The following COL14A1 variants were observed in gnomAD, a reference collection of about 807,000 sequenced individuals.
COL14A1 encodes the protein collagen type XIV alpha 1 chain.
Under a neutral mutation model 230.3 loss-of-function variants are expected in COL14A1, and 136 were observed. The observed-to-expected ratio is 0.59, with a 90% CI of 0.51 to 0.68. The LOEUF (loss-of-function observed/expected upper bound fraction) is 0.68. Among genes scored for constraint, COL14A1 ranks in the 30% least tolerant of loss-of-function variants. The probability of loss-of-function intolerance (pLI) is 0.00; values close to 1 mark genes in which losing one functional copy is unlikely to be tolerated. For synonymous variants in COL14A1, 792 were observed against 784.1 expected, an observed-to-expected ratio of 1.01 and a Z score of -0.17; for missense variants, 1,976 against 2,215.8, an observed-to-expected ratio of 0.89 and a Z score of 2.17.
At chr8:120,279,256 G>A (rs1010914103) in intron 28 of COL14A1, among the ~76,000 whole-genome samples, 2 of 151,794 alleles carry the variant, frequency 1.3e-5, no homozygotes, top group East Asian at 1.9e-4. Flanking sequence ...CATGGCACAC[G>A]TATACCTATG....
At chr8:120,271,095 C>A (rs1037943906) in intron 26 of COL14A1, among the ~76,000 whole-genome samples, 28 of 151,632 alleles carry the variant, frequency 1.8e-4, no homozygotes, top group African/African-American at 6.3e-4. Flanking sequence ...AAGCTAGAGG[C>A]CATTATCCTA....
chr8:120,138,509 T>A (rs1328932810), intron 1 of COL14A1, among the ~76,000 whole-genome samples: 2 of 152,172 alleles, frequency 1.3e-5, no homozygotes, highest in African/African-American at 4.8e-5. Flanking sequence ...TTCCCCCTGA[T>A]TTCTGATCAC....
chr8:120,226,674 G>T lies in COL14A1; in HGVS notation c.1912G>T (p.Asp638Tyr). 1 of 1,613,932 alleles carries T rather than the reference G, an allele frequency of 6.2e-7. No homozygotes were observed. Among genetic ancestry groups the T allele is most frequent in the Non-Finnish European group, 8.5e-7 (1 of 1,179,896 alleles). The change falls in exon 16 of 48, where the codon GAC (aspartate) becomes TAC (tyrosine). Residue 638 changes from aspartate to tyrosine, a missense_variant. Physicochemically the swap from Asp to Tyr is radical, Grantham distance 160. Around this residue, in one of 3 missense-constraint regions of COL14A1, gnomAD observed 1,791 missense variants for 2,019.5 expected, o/e 0.89. Transcript: ENST00000297848. ...QYLEIDEVTT[D>Y]SFRVTWHPLS... Reference sequence around the variant, plus strand: ...CTTAGAAATTGATGAGGTGACGACAGACAGTTTTAGGGTGACCTGGCATCC... The same window carrying T: ...CTTAGAAATTGATGAGGTGACGACATACAGTTTTAGGGTGACCTGGCATCC...
intron 25 of COL14A1, 77 bp downstream of exon 25, chr8:120,266,960 C>G: frequency 8.1e-7 from 1 of 1,230,830 alleles, no homozygotes; most frequent in Middle Eastern, 1.9e-4. Context: ...TCATTTCAAA[C>G]CAGGATATTA....
chr8:120,202,058 A>G (rs1458418467), intron 8 of COL14A1, among the ~76,000 whole-genome samples: 1 of 152,192 alleles, frequency 6.6e-6, no homozygotes, highest in Non-Finnish European at 1.5e-5. Context: ...TTGAGAAGCA[A>G]TTGTAGAAGT....
At chr8:120,226,513 C>T in intron 15 of COL14A1, 114 bp from the exon 16 acceptor site, 1 of 1,113,322 alleles carries the variant, frequency 9.0e-7, no homozygotes, top group Non-Finnish European at 1.3e-6. Flanking sequence ...CTTTCCTGTG[C>T]TTTCCTAAAG....
At position 120,373,274 on chromosome 8, in the gene COL14A1, G is replaced by T. The variant is rs1250924368; in HGVS notation, c.*2043G>T. Among the ~76,000 whole-genome samples, 2 of 152,112 alleles carry T rather than the reference G, an allele frequency of 1.3e-5. No homozygotes were observed. The highest frequency in any genetic ancestry group is 2.9e-5 in the Non-Finnish European group (2 of 68,026). ...ATTCTTGAGTTGTGCAAATACACTTGGCTTTGATTTCACTTGGTGATCTAA... is the reference window on the plus strand; with the variant it reads ...ATTCTTGAGTTGTGCAAATACACTTTGCTTTGATTTCACTTGGTGATCTAA... On this transcript the variant is annotated 3_prime_UTR_variant, in exon 48 of 48. Transcript: ENST00000297848.
At chr8:120,333,334 C>G (rs890722320) in intron 42 of COL14A1, among the ~76,000 whole-genome samples, 24 of 152,280 alleles carry the variant, frequency 1.6e-4, no homozygotes, top group African/African-American at 5.1e-4. Context: ...ACATCTGGGC[C>G]TGTTTCTTCA....
chr8:120,220,781 T>A (rs1326018912), intron 14 of COL14A1, among the ~76,000 whole-genome samples: 1 of 151,978 alleles, frequency 6.6e-6, no homozygotes, highest in Non-Finnish European at 1.5e-5. Flanking sequence ...ATGATAATGA[T>A]GGTGATGATG....
At chr8:120,282,340 C>G (rs970165177) in intron 31 of COL14A1, among the ~76,000 whole-genome samples, 1 of 152,170 alleles carries the variant, frequency 6.6e-6, no homozygotes, top group Admixed American at 6.5e-5. Flanking sequence ...CAGACTCGCA[C>G]GCTAATATCC....
intron 5 of COL14A1, among the ~76,000 whole-genome samples, chr8:120,193,162 C>T (rs1816888869): frequency 2.0e-5 from 3 of 152,116 alleles, no homozygotes; most frequent in Non-Finnish European, 1.5e-5. Flanking sequence ...CTGTTTTTTC[C>T]CCATCTTTGT....
At chr8:120,217,990 CAA>C (rs1817807920) in intron 14 of COL14A1, among the ~76,000 whole-genome samples, 1 of 122,972 alleles carries the variant, frequency 8.1e-6, no homozygotes, top group Admixed American at 9.4e-5. Flanking sequence ...TATATATTTA[CAA>C]ATATATATTA....
intron 1 of COL14A1, among the ~76,000 whole-genome samples, chr8:120,145,933 CTT>C (rs34488674): frequency 0.36 from 55,032 of 151,822 alleles, 11,263 homozygotes; most frequent in East Asian, 0.56. Context: ...TGTTAAAACT[CTT>C]TGTTTTTGTA....
intron 40 of COL14A1, among the ~76,000 whole-genome samples, chr8:120,326,567 GT>G (rs1821676303): frequency 2.6e-5 from 4 of 152,314 alleles, no homozygotes; most frequent in African/African-American, 9.6e-5. Context: ...GATGGAAAAT[GT>G]GAAGATCTTT....
At chr8:120,128,940 G>T (rs181534969) in intron 1 of COL14A1, among the ~76,000 whole-genome samples, 3 of 152,102 alleles carry the variant, frequency 2.0e-5, no homozygotes, top group Admixed American at 6.5e-5. Context: ...TTATCTAGGA[G>T]CAGTCAGAGG....
At chr8:120,274,652 C>T (rs1221883161) in intron 26 of COL14A1, among the ~76,000 whole-genome samples, 1 of 151,646 alleles carries the variant, frequency 6.6e-6, no homozygotes, top group Non-Finnish European at 1.5e-5. Context: ...TCAATGTATA[C>T]AAATCAGTAG....
In COL14A1 at chr8:120,371,148, T is replaced by C. The variant is rs1224231319; in HGVS notation, c.5312-4T>C. The C allele has an allele frequency of 1.2e-6, 2 of 1,604,862 alleles. No homozygotes were observed. The highest frequency in any genetic ancestry group is 1.7e-5 in the Admixed American group (1 of 57,614). ...AAGTCCCCACCCCCACTTTTCCTCT[T>C]TAGCTCCCCATCCAGATCAGCCAGA... On this transcript the variant is annotated splice_region_variant and splice_polypyrimidine_tract_variant and intron_variant, in intron 47 of 47. Transcript: ENST00000297848.
intron 46 of COL14A1, among the ~76,000 whole-genome samples, chr8:120,367,773 CAA>C (rs111378344): frequency 1.4e-5 from 2 of 139,632 alleles, no homozygotes; most frequent in African/African-American, 2.6e-5. Flanking sequence ...CCATTTCTAC[CAA>C]AAAAAAAAAA....
intron 10 of COL14A1, among the ~76,000 whole-genome samples, 187 bp from the exon 11 acceptor site, chr8:120,208,045 C>G (rs1817497366): frequency 1.3e-5 from 2 of 152,120 alleles, no homozygotes; most frequent in South Asian, 2.1e-4. Context: ...TAGACACATT[C>G]CATAAAAGGT....
Sources: allele counts gnomAD v4.1 joint callset (sites outside exome capture counted in the v4.1 genomes callset), GRCh38; gene constraint gnomAD v4.1.1; regional missense constraint gnomAD v4.1.1; transcripts MANE v1.5; gene names NCBI Gene and HGNC (gene_info 2026-07-23, HGNC 2026-07-21).